The following TNKS variants were observed in gnomAD, a reference collection of about 807,000 sequenced individuals.
TNKS encodes poly [ADP-ribose] polymerase tankyrase-1.
A neutral mutation model predicts 135.8 loss-of-function variants in TNKS; 72 were observed. The ratio of observed to expected loss-of-function variants is 0.53; its 90% CI spans 0.44 to 0.64. The LOEUF is 0.64. TNKS is among the 30% of genes least tolerant of loss of function. The probability of loss-of-function intolerance (pLI) is 0.00; values close to 1 mark genes in which losing one functional copy is unlikely to be tolerated. For synonymous variants in TNKS, 849 were observed against 649.3 expected, an observed-to-expected ratio of 1.31 and a Z score of -4.68; for missense variants, 1,769 against 1,674.0, an observed-to-expected ratio of 1.06 and a Z score of -0.99.
At chr8:9,694,595 C>G (rs1343441054) in intron 5 of TNKS, among the ~76,000 whole-genome samples, 1 of 151,928 alleles carries the variant, frequency 6.6e-6, no homozygotes, top group Non-Finnish European at 1.5e-5. Flanking sequence ...AACTCCGCCT[C>G]TACTAAAAAT....
chr8:9,764,970 G>A (rs967587938), intron 23 of TNKS, among the ~76,000 whole-genome samples, 180 bp downstream of exon 23: 3 of 152,072 alleles, frequency 2.0e-5, no homozygotes, highest in Non-Finnish European at 4.4e-5. Flanking sequence ...AAGACAATAC[G>A]TCACTAAAAA....
At chr8:9,568,745 G>A (rs943372922) in intron 1 of TNKS, among the ~76,000 whole-genome samples, 1 of 149,320 alleles carries the variant, frequency 6.7e-6, no homozygotes, top group Admixed American at 6.7e-5. Context: ...AACAGAAAAT[G>A]TTGTTGGAAA....
At chr8:9,711,181 C>G (rs1804314789) in intron 11 of TNKS, among the ~76,000 whole-genome samples, 1 of 152,090 alleles carries the variant, frequency 6.6e-6, no homozygotes, top group Non-Finnish European at 1.5e-5. Flanking sequence ...AAAATCCTAG[C>G]ATTTCAATTT....
chr8:9,758,182 C>T (rs571925629), intron 20 of TNKS, among the ~76,000 whole-genome samples: 19 of 152,216 alleles, frequency 1.2e-4, no homozygotes, highest in African/African-American at 4.1e-4. Flanking sequence ...ATAAAGTGCT[C>T]GGAACTGTGC....
intron 17 of TNKS, among the ~76,000 whole-genome samples, chr8:9,745,725 G>GT (rs1314391094): frequency 1.3e-5 from 2 of 151,962 alleles, no homozygotes; most frequent in Non-Finnish European, 2.9e-5. Flanking sequence ...TTTTGGGGGC[G>GT]TTTTTTGCTT....
At chr8:9,772,820 T>C (rs1335240070) in intron 26 of TNKS, among the ~76,000 whole-genome samples, 3 of 79,804 alleles carry the variant, frequency 3.8e-5, no homozygotes, top group Non-Finnish European at 7.0e-5. Context: ...TGTGTGTGTG[T>C]GTGTGTGTGT....
chr8:9,725,696 C>T (rs1328672453), intron 12 of TNKS, among the ~76,000 whole-genome samples: 1 of 152,184 alleles, frequency 6.6e-6, no homozygotes, highest in Non-Finnish European at 1.5e-5. Flanking sequence ...AAAATGTAGG[C>T]CTCCTGGAGA....
intron 26 of TNKS, among the ~76,000 whole-genome samples, chr8:9,773,918 A>T (rs113576986): frequency 6.6e-6 from 1 of 152,116 alleles, no homozygotes; most frequent in African/African-American, 2.4e-5. Flanking sequence ...CTTTTATTTC[A>T]TTCTCCTTAG....
At chr8:9,714,343 T>A (rs1352177635) in intron 11 of TNKS, among the ~76,000 whole-genome samples, 2 of 145,628 alleles carry the variant, frequency 1.4e-5, no homozygotes, top group South Asian at 2.2e-4. Context: ...TTTTTTTTTT[T>A]AATCAAATGA....
intron 3 of TNKS, among the ~76,000 whole-genome samples, chr8:9,674,539 G>A (rs1050774684): frequency 2.6e-5 from 4 of 152,210 alleles, no homozygotes; most frequent in African/African-American, 9.6e-5. Flanking sequence ...AGAAGTTTCA[G>A]CTCTTCTGGT....
Position 9,556,179 on chromosome 8 carries a change from C to T in TNKS, c.240C>T (p.Ser80=), listed in dbSNP as rs751427894. 5 of 1,612,854 alleles carry T rather than the reference C, an allele frequency of 3.1e-6. No individual in the cohort carries two copies. Among genetic ancestry groups the T allele is most frequent in the Admixed American group, 1.7e-5 (1 of 59,988 alleles). Residue 80 remains serine, a synonymous_variant, in exon 1 of 27, where the codon TCC becomes TCT. Transcript: ENST00000310430. ...GSRDPPDRPR[S]PDPVDGTSCC... ...GGGATCCGCCCGACAGGCCCCGATCCCCGGACCCGGTTGACGGTACCAGCT... is the reference window on the plus strand; with the variant it reads ...GGGATCCGCCCGACAGGCCCCGATCTCCGGACCCGGTTGACGGTACCAGCT...
At chr8:9,617,148 T>C (rs986768981) in intron 3 of TNKS, among the ~76,000 whole-genome samples, 1 of 152,242 alleles carries the variant, frequency 6.6e-6, no homozygotes, top group Admixed American at 6.5e-5. Context: ...AAATTTAATA[T>C]AAGTTATTAA....
At position 9,556,401 on chromosome 8, in the gene TNKS, C is replaced by G. The variant is rs1815305449; in HGVS notation, c.462C>G (p.Pro154=). ...SSPGSSLAES[P]EAAGVSSTAP... is the part of the protein sequence containing the mutation. Reference sequence around the variant, plus strand: ...CTGGATCGAGCTTGGCGGAGAGCCCCGAGGCGGCCGGAGTTAGCAGCACAG... The same window carrying G: ...CTGGATCGAGCTTGGCGGAGAGCCCGGAGGCGGCCGGAGTTAGCAGCACAG... Residue 154 remains proline, a synonymous_variant, in exon 1 of 27, where the codon CCC becomes CCG. Coordinates refer to ENST00000310430, the MANE Select transcript of TNKS (RefSeq NM_003747.3). 1.2e-6 allele frequency: 2 copies of G among 1,614,096 alleles called. No homozygotes were observed. The highest frequency in any genetic ancestry group is 1.3e-5 in the African/African-American group (1 of 74,942).
intron 26 of TNKS, among the ~76,000 whole-genome samples, chr8:9,774,489 A>C (rs1344503435): frequency 1.3e-5 from 2 of 152,278 alleles, no homozygotes; most frequent in South Asian, 2.1e-4. Context: ...TAAGTAAATA[A>C]ATACATACAT....
At chr8:9,582,705 A>G (rs1798214356) in intron 2 of TNKS, among the ~76,000 whole-genome samples, 1 of 152,216 alleles carries the variant, frequency 6.6e-6, no homozygotes, top group African/African-American at 2.4e-5. Flanking sequence ...GCTAGTACAT[A>G]TAAAATATTT....
chr8:9,659,259 C>T (rs1014131600), intron 3 of TNKS, among the ~76,000 whole-genome samples: 4 of 152,182 alleles, frequency 2.6e-5, no homozygotes, highest in African/African-American at 9.7e-5. Flanking sequence ...CAGAACTCTC[C>T]ACCCCAAATC....
At chr8:9,713,403 CA>C (rs1373488977) in intron 11 of TNKS, among the ~76,000 whole-genome samples, 4 of 152,152 alleles carry the variant, frequency 2.6e-5, no homozygotes, top group South Asian at 4.1e-4. Flanking sequence ...TCCCATCAGG[CA>C]TTTTAGTTTA....
In TNKS at chr8:9,706,894, C is replaced by T. The variant is rs1343251150; in HGVS notation, c.1353C>T (p.Cys451=). The T allele has an allele frequency of 2.5e-6, 4 of 1,613,958 alleles. No individual in the cohort carries two copies. Among genetic ancestry groups the T allele is most frequent in the Non-Finnish European group, 3.4e-6 (4 of 1,179,988 alleles). The stretch of plus-strand genomic sequence containing the variant: ...CTTCCAAGAACCGTGTAGAAGTCTG[C>T]TCTTTGTTACTTAGCCATGGCGCTG... ...EAASKNRVEV[C]SLLLSHGADP... The change falls in exon 8 of 27, where the codon TGC becomes TGT. Residue 451 remains cysteine, a synonymous_variant. Coordinates refer to ENST00000310430, the MANE Select transcript of TNKS (RefSeq NM_003747.3).
chr8:9,599,432 G>C (rs1358467693), intron 2 of TNKS, among the ~76,000 whole-genome samples: 1 of 152,198 alleles, frequency 6.6e-6, no homozygotes, highest in African/African-American at 2.4e-5. Flanking sequence ...AGGAAATTAA[G>C]ATTGGCAGTG....
Sources: allele counts gnomAD v4.1 joint callset (sites outside exome capture counted in the v4.1 genomes callset), GRCh38; gene constraint gnomAD v4.1.1; transcripts MANE v1.5; gene names NCBI Gene and HGNC (gene_info 2026-07-23, HGNC 2026-07-21).